Variants in GGTA1 observed in about 807,000 individuals in gnomAD.
GGTA1 encodes the protein glycoprotein alpha-galactosyltransferase 1 (inactive).
In GGTA1, 5 loss-of-function variants were observed where a neutral mutation model predicts 2.6. That is an observed-to-expected ratio of 1.92 (90% CI 1.00 to 4.04). The LOEUF is 4.04. Among genes scored for constraint, GGTA1 ranks in the 30% most tolerant of loss-of-function variants. GGTA1 has a pLI of 0.00. For synonymous variants in GGTA1, 17 were observed against 5.0 expected (o/e 3.38, Z -3.19); for missense variants, 50 against 16.7 (o/e 2.99, Z -3.47).
chr9:121,490,652 G>A (rs1337394907), intron 1 of GGTA1, among the ~76,000 whole-genome samples: 1 of 152,222 alleles, frequency 6.6e-6, no homozygotes, highest in Non-Finnish European at 1.5e-5. Context: ...ATGGAGGCAG[G>A]TGCTAGAGCA....
intron 1 of GGTA1, among the ~76,000 whole-genome samples, chr9:121,475,276 G>C (rs1387639510): frequency 6.6e-6 from 1 of 152,096 alleles, no homozygotes; most frequent in Non-Finnish European, 1.5e-5. Context: ...GCAATGTCAG[G>C]AAGTTACCCT....
chr9:121,497,603 G>A (rs1434308292), intron 1 of GGTA1, among the ~76,000 whole-genome samples: 5 of 152,070 alleles, frequency 3.3e-5, no homozygotes, highest in African/African-American at 7.2e-5. Context: ...AAGGCTGGAC[G>A]AAGGCAGGGA....
At chr9:121,462,570 A>G (rs970868519) in intron 3 of GGTA1, 2 of 152,216 alleles carry the variant, frequency 1.3e-5, no homozygotes, top group African/African-American at 4.8e-5. Context: ...GAACAGAAAG[A>G]GATACATTGA....
At chr9:121,481,301 G>A (rs533866540) in intron 1 of GGTA1, among the ~76,000 whole-genome samples, 7 of 152,166 alleles carry the variant, frequency 4.6e-5, no homozygotes, top group Admixed American at 1.3e-4. Flanking sequence ...AGCTACTCAC[G>A]TCAAGGAAAA....
intron 5 of GGTA1, among the ~76,000 whole-genome samples, chr9:121,457,154 G>C (rs1192396653): frequency 6.6e-6 from 1 of 152,218 alleles, no homozygotes; most frequent in African/African-American, 2.4e-5. Context: ...TAGACCATGA[G>C]GTAGACAGAG....
In GGTA1 at chr9:121,455,336, A is replaced by G. The variant is rs1466768345; in HGVS notation, c.*501T>C. The G allele has an allele frequency of 6.6e-6, 1 of 152,296 alleles. No individual in the cohort carries two copies. The highest frequency in any genetic ancestry group is 1.5e-5 in the Non-Finnish European group (1 of 68,096). 9.4% of individuals were successfully genotyped at this position (152,296 alleles called of 1,614,324 possible). On this transcript the variant is annotated 3_prime_UTR_variant, in exon 6 of 6. Transcript: ENST00000481799. ...AAAGATCTTTTAGTAGCTCTAACAT[A>G]GCCCACTAGCTAAGTCTTGTAAATG...
chr9:121,465,841 C>A (rs1286060806), intron 2 of GGTA1, among the ~76,000 whole-genome samples: 1 of 152,166 alleles, frequency 6.6e-6, no homozygotes, highest in East Asian at 1.9e-4. Context: ...CTAGGCATTG[C>A]TTCCCAGTGC....
intron 7 of GGTA1, among the ~76,000 whole-genome samples, chr9:121,449,418 T>A: frequency 6.6e-6 from 1 of 152,318 alleles, no homozygotes; most frequent in East Asian, 1.9e-4. Flanking sequence ...CTACCAGCAA[T>A]GAATAAGTGT....
chr9:121,474,759 A>G (rs768723448), intron 1 of GGTA1, among the ~76,000 whole-genome samples: 1 of 152,128 alleles, frequency 6.6e-6, no homozygotes, highest in Admixed American at 6.6e-5. Context: ...CTCAGATGCC[A>G]TGGAAAAGCC....
In GGTA1 at chr9:121,460,785, T is replaced by C. The variant is rs529290546; in HGVS notation, c.182+467A>G. Among the ~76,000 whole-genome samples the C allele has an allele frequency of 2.6e-5, 4 of 151,872 alleles. No individual in the cohort carries two copies. In the South Asian group the frequency reaches 8.3e-4, roughly 32 times the overall value. ...ACTTGAACCAAGGAGGTGGAGGTTG[T>C]AGTGAGCCGAGACCACGCCACTGCA... On this transcript the variant is annotated intron_variant, in intron 4 of 5. Coordinates refer to ENST00000481799, the MANE Select transcript of GGTA1 (RefSeq NM_001382585.1).
downstream of GGTA1, chr9:121,454,951 T>A (rs1471940968): frequency 6.6e-6 from 1 of 152,288 alleles, no homozygotes; most frequent in Non-Finnish European, 1.5e-5. Context: ...GAGGCGGAGG[T>A]TGCAGTGAGC....
chr9:121,470,541 A>G (rs1424815010), intron 1 of GGTA1, among the ~76,000 whole-genome samples: 5 of 152,350 alleles, frequency 3.3e-5, no homozygotes, highest in Admixed American at 6.5e-5. Context: ...TTGTTCACAT[A>G]TGGAAGGTAG....
At chr9:121,457,243 A>G (rs2064919062) in intron 5 of GGTA1, among the ~76,000 whole-genome samples, 1 of 152,194 alleles carries the variant, frequency 6.6e-6, no homozygotes. Context: ...GGTGGAATTG[A>G]GAAATCCATT....
chr9:121,452,609 C>T (rs1407891312), downstream of GGTA1, among the ~76,000 whole-genome samples: 2 of 152,018 alleles, frequency 1.3e-5, no homozygotes, highest in Admixed American at 6.6e-5. Flanking sequence ...GTCTCTGCCT[C>T]CCAGGTTCAA....
At chr9:121,486,628 T>C (rs1828760978) in intron 1 of GGTA1, among the ~76,000 whole-genome samples, 1 of 152,202 alleles carries the variant, frequency 6.6e-6, no homozygotes, top group African/African-American at 2.4e-5. Context: ...CACCATCTCA[T>C]TGCCTGTGTC....
At position 121,456,388 on chromosome 9, in the gene GGTA1, G is replaced by A. The variant is rs2064911512; in HGVS notation, c.299-547C>T. ...TATATATTTATTTATGGCACATTTT[G>A]GTACCCAAGGGGTGGGTAGAAGAAG... is the stretch of plus-strand genomic sequence containing the variant. On this transcript the variant is annotated intron_variant, in intron 5 of 5. Coordinates refer to ENST00000481799, the MANE Select transcript of GGTA1 (RefSeq NM_001382585.1). Among the ~76,000 whole-genome samples, 5 of 152,014 alleles carry A rather than the reference G, an allele frequency of 3.3e-5. No homozygotes were observed. In the South Asian group the frequency reaches 1.0e-3, roughly 32 times the overall value.
At chr9:121,475,422 C>T (rs964664613) in intron 1 of GGTA1, among the ~76,000 whole-genome samples, 2 of 152,196 alleles carry the variant, frequency 1.3e-5, no homozygotes, top group African/African-American at 2.4e-5. Context: ...TATTCCTCTA[C>T]TCTCCTAATA....
intron 1 of GGTA1, among the ~76,000 whole-genome samples, chr9:121,485,064 C>T (rs1828731196): frequency 3.3e-5 from 5 of 152,190 alleles, no homozygotes; most frequent in Admixed American, 2.6e-4. Flanking sequence ...GAAAATAGTC[C>T]GGTGTAGAAT....
intron 5 of GGTA1, among the ~76,000 whole-genome samples, chr9:121,458,773 CCCT>C (rs1283440735): frequency 1.3e-5 from 2 of 152,044 alleles, no homozygotes; most frequent in African/African-American, 4.8e-5. Context: ...TATGGTCTGT[CCCT>C]CCTCTCTGCC....
Sources: allele counts gnomAD v4.1 joint callset (sites outside exome capture counted in the v4.1 genomes callset), GRCh38; gene constraint gnomAD v4.1.1; transcripts MANE v1.5; gene names NCBI Gene and HGNC (gene_info 2026-07-23, HGNC 2026-07-21).